Variants in NOS3 observed in about 807,000 individuals in gnomAD.
The protein encoded by NOS3 is nitric oxide synthase 3, also known as NOS type III.
A neutral mutation model predicts 144.9 loss-of-function variants in NOS3; 98 were observed. That is an observed-to-expected ratio of 0.68 (90% CI 0.57 to 0.80). The LOEUF (loss-of-function observed/expected upper bound fraction) is 0.80. Among genes scored for constraint, NOS3 ranks in the 30% least tolerant of loss-of-function variants. NOS3 has a pLI of 0.00. For synonymous variants in NOS3, 714 were observed against 702.4 expected (o/e 1.02, Z -0.26); for missense variants, 1,465 against 1,656.4 (o/e 0.88, Z 2.01).
rs1795276672 is a variant in NOS3, at chr7:151,010,290, TG to T, written c.2685+8del. The T allele has an allele frequency of 6.2e-7, 1 of 1,611,184 alleles. No individual in the cohort carries two copies. Among genetic ancestry groups the T allele is most frequent in the Non-Finnish European group, 8.5e-7 (1 of 1,179,108 alleles). ...AGGAGCTGGAGGCCCTCAGCCAGGT[TG>T]GGGGCCACCCCAATGAGGCACAGGG... On this transcript the variant is annotated splice_donor_region_variant and intron_variant, in intron 21 of 26. Coordinates refer to ENST00000297494, the MANE Select transcript of NOS3 (RefSeq NM_000603.5).
chr7:150,998,360 T>A lies in NOS3; in HGVS notation c.586T>A (p.Phe196Ile). ...CCCGCTGCCTCGGCTGGCTCAGGTG[T>A]TCGATGCCCGGGACTGCAGGTCTGC... The part of the protein sequence containing the change: ...GRIQWGKLQV[F>I]DARDCRSAQE... Residue 196 changes from phenylalanine to isoleucine, a missense_variant, in exon 6 of 27, where the codon TTC becomes ATC. Phe to Ile is a conservative substitution (Grantham distance 21). Around this residue, in one of 5 missense-constraint regions of NOS3, gnomAD observed 374 missense variants for 377.0 expected, o/e 0.99. Coordinates refer to ENST00000297494, the MANE Select transcript of NOS3 (RefSeq NM_000603.5). The surrounding 1 kb of genome is among the most constrained non-coding windows in gnomAD (Gnocchi z 5.0). 2.5e-6 allele frequency: 4 copies of A among 1,611,358 alleles called. No homozygotes were observed. Among genetic ancestry groups the A allele is most frequent in the Non-Finnish European group, 3.4e-6 (4 of 1,179,548 alleles).
In NOS3 at chr7:151,001,959, T is replaced by C. The variant is rs1795114888; in HGVS notation, c.1641T>C (p.Asp547=). Residue 547 remains aspartate (D), a synonymous_variant, in exon 13 of 27, where the codon GAT becomes GAC. Coordinates refer to ENST00000297494, the MANE Select transcript of NOS3 (RefSeq NM_000603.5). ...QLGRLFRKAF[D]PRVLCMDEYD... ...GGAGACTCTTCCGGAAGGCTTTTGATCCCCGGGTAGGGCTGAGCCCAGGGG... is the reference window on the plus strand; with the variant it reads ...GGAGACTCTTCCGGAAGGCTTTTGACCCCCGGGTAGGGCTGAGCCCAGGGG... 2 of 1,613,240 alleles carry C rather than the reference T, an allele frequency of 1.2e-6. No homozygotes were observed. The highest frequency in any genetic ancestry group is 1.7e-6 in the Non-Finnish European group (2 of 1,179,960).
At chr7:151,012,564 G>A in intron 24 of NOS3, 92 bp downstream of exon 24, 4 of 1,447,970 alleles carry the variant, frequency 2.8e-6, no homozygotes, top group Non-Finnish European at 3.8e-6. Context: ...GGAAAGAGAG[G>A]GCAGGAAACA....
At position 151,013,142 on chromosome 7, in the gene NOS3, T is replaced by C. The variant is rs551224618; in HGVS notation, c.3107-89T>C. Reference sequence around the variant, plus strand: ...GTGGTTTCAGCCCAAAACGCTGGGCTGCCAGGCTGGGCGACGGTGGCCTGT... The same window carrying C: ...GTGGTTTCAGCCCAAAACGCTGGGCCGCCAGGCTGGGCGACGGTGGCCTGT... On this transcript the variant is annotated intron_variant, in intron 24 of 26. Transcript: ENST00000297494. 7.0e-4 allele frequency: 1,007 copies of C among 1,443,912 alleles called. 1 individual carries two copies. The highest frequency in any genetic ancestry group is 3.1e-3 in the Middle Eastern group (17 of 5,536). The allele number at this position is 1,443,912 out of a possible 1,614,324, so 89.4% of individuals were successfully genotyped here. A position where few individuals can be genotyped will look rare whatever the true frequency, so the allele number is the denominator to read the frequency against.
At chr7:150,994,002 G>A in intron 2 of NOS3, 41 bp downstream of exon 2, 22 of 1,531,982 alleles carry the variant, frequency 1.4e-5, no homozygotes, top group Non-Finnish European at 1.8e-5. Flanking sequence ...CAACAAGGGT[G>A]GTGTCAAGGC....
At position 151,003,940 on chromosome 7, in the gene NOS3, G is replaced by A; in HGVS notation, c.1752+1636G>A. On this transcript the variant is annotated intron_variant, in intron 14 of 26. Coordinates refer to ENST00000297494, the MANE Select transcript of NOS3 (RefSeq NM_000603.5). This position sits in a 1 kb window ranked among gnomAD's most constrained non-coding sequence, Gnocchi z 4.1. ...CCTGTTATGAACATTCTTGTACCCG[G>A]CTTTTGTGGGCTTATGTTTTTATTT... is the stretch of plus-strand genomic sequence containing the variant. 3.0e-6 allele frequency: 1 copy of A among 328,526 alleles called. No homozygotes were observed. The highest frequency in any genetic ancestry group is 6.0e-6 in the Non-Finnish European group (1 of 167,848). The allele number at this position is 328,526 out of a possible 1,614,324, so 20.4% of individuals were successfully genotyped here.
Position 151,003,376 on chromosome 7 carries a change from T to C in NOS3, c.1752+1072T>C, listed in dbSNP as rs1404260961. The C allele has an allele frequency of 8.4e-7, 1 of 1,192,620 alleles. No homozygotes were observed. The highest frequency in any genetic ancestry group is 1.1e-6 in the Non-Finnish European group (1 of 915,146). The allele number at this position is 1,192,620 out of a possible 1,614,324, so 73.9% of individuals were successfully genotyped here. A position where few individuals can be genotyped will look rare whatever the true frequency, so the allele number is the denominator to read the frequency against. ...CCTGGGTTCAAGCAATCCACCTGCCTCGGCCTCCCAAAGTGCTGCGATTAT... is the reference window on the plus strand; with the variant it reads ...CCTGGGTTCAAGCAATCCACCTGCCCCGGCCTCCCAAAGTGCTGCGATTAT... On this transcript the variant is annotated intron_variant, in intron 14 of 26. Coordinates refer to ENST00000297494, the MANE Select transcript of NOS3 (RefSeq NM_000603.5). The surrounding 1 kb of genome is among the most constrained non-coding windows in gnomAD (Gnocchi z 4.1).
At chr7:151,006,670 T>C (rs1795210571) in intron 15 of NOS3, among the ~76,000 whole-genome samples, 176 bp downstream of exon 15, 1 of 152,218 alleles carries the variant, frequency 6.6e-6, no homozygotes, top group Admixed American at 6.5e-5. Flanking sequence ...TGCCTGCTTC[T>C]GAGAGCCGGG....
Position 151,013,878 on chromosome 7 carries a change from TGGAGCTGGACGAGGCCGGCGACGTCATCG to T in NOS3, c.3412_3440del (p.Glu1138ArgfsTer149). 1 of 1,603,030 alleles carries T rather than the reference TGGAGCTGGACGAGGCCGGCGACGTCATCG, an allele frequency of 6.2e-7. No individual in the cohort carries two copies. Among genetic ancestry groups the T allele is most frequent in the Non-Finnish European group, 8.5e-7 (1 of 1,175,292 alleles). On this transcript the variant is annotated frameshift_variant, in exon 26 of 27. Coordinates refer to ENST00000297494, the MANE Select transcript of NOS3 (RefSeq NM_000603.5). LOFTEE classifies it high-confidence loss of function. ...CGCATCCTGGCGACGGAGGGCGACA[TGGAGCTGGACGAGGCCGGCGACGTCATCG>T]GCGTGCTGCGGGTGCGGAGGGGCGG...
rs1414919977 is a variant in NOS3, at chr7:151,001,634, C to T, written c.1502+17C>T. 1 of 1,610,550 alleles carries T rather than the reference C, an allele frequency of 6.2e-7. No individual in the cohort carries two copies. The highest frequency in any genetic ancestry group is 8.5e-7 in the Non-Finnish European group (1 of 1,177,144). ...AGTGGCCAAGTGGGTCCCCTGGGAG[C>T]CCCGCTCTCCCACACACACCCTGGG... On this transcript the variant is annotated intron_variant, in intron 12 of 26. Transcript: ENST00000297494.
At chr7:150,999,403 G>T in intron 9 of NOS3, 39 bp downstream of exon 9, 1 of 1,522,898 alleles carries the variant, frequency 6.6e-7, no homozygotes. Context: ...GAATGCACCT[G>T]TCCAAGGCAG....
In NOS3 at chr7:150,999,374, G is replaced by A. The variant is rs201702190; in HGVS notation, c.1131+10G>A. The A allele has an allele frequency of 5.7e-5, 88 of 1,555,892 alleles. No individual in the cohort carries two copies. The highest frequency in any genetic ancestry group is 1.7e-4 in the Admixed American group (9 of 52,322). On this transcript the variant is annotated intron_variant, in intron 9 of 26. Coordinates refer to ENST00000297494, the MANE Select transcript of NOS3 (RefSeq NM_000603.5). ...CTACAACATCCTGGAGGTGAGGTGC[G>A]GGATGGGGCTCGGGCACCGAATGCA... is the stretch of plus-strand genomic sequence containing the variant.
At position 151,009,643 on chromosome 7, in the gene NOS3, C is replaced by G; in HGVS notation, c.2512+58C>G. 2.8e-6 allele frequency: 4 copies of G among 1,407,502 alleles called. No homozygotes were observed. The South Asian group carries it at 5.7e-5, about 20-fold the overall frequency. 87.2% of individuals were successfully genotyped at this position (1,407,502 alleles called of 1,614,324 possible). A position where few individuals can be genotyped will look rare whatever the true frequency, so the allele number is the denominator to read the frequency against. Reference sequence around the variant, plus strand: ...CCAGCCCCATGCCCAGCCCCACCCCCGGCCCCAGGCCTCCAGGAGCTCAGG... The same window carrying G: ...CCAGCCCCATGCCCAGCCCCACCCCGGGCCCCAGGCCTCCAGGAGCTCAGG... On this transcript the variant is annotated intron_variant, in intron 20 of 26. Transcript: ENST00000297494.
rs759370350 is a variant in NOS3, at chr7:151,009,031, C to T, written c.2214C>T (p.Ser738=). 1.4e-5 allele frequency: 23 copies of T among 1,612,322 alleles called. No homozygotes were observed. The highest frequency in any genetic ancestry group is 1.7e-5 in the Non-Finnish European group (20 of 1,179,532). The change falls in exon 18 of 27, where the codon AGC becomes AGT. Residue 738 remains serine, a synonymous_variant. Coordinates refer to ENST00000297494, the MANE Select transcript of NOS3 (RefSeq NM_000603.5). ...GGAAGCGCCAGAGGTACCGGCTGAG[C>T]GCCCAGGCCGAGGGCCTGCAGTTGC... ...RSWKRQRYRL[S]AQAEGLQLLP... is the part of the protein sequence containing the mutation.
chr7:151,012,509 C>T (rs749764005), intron 24 of NOS3, 37 bp downstream of exon 24: 3 of 1,596,070 alleles, frequency 1.9e-6, no homozygotes, highest in East Asian at 2.3e-5. Flanking sequence ...TGAAGGGAGT[C>T]ACACAATCTA....
intron 18 of NOS3, 25 bp from the exon 19 acceptor site, chr7:151,009,164 C>T: frequency 6.2e-7 from 1 of 1,613,686 alleles, no homozygotes; most frequent in Non-Finnish European, 8.5e-7. Flanking sequence ...CTCAGGCTGC[C>T]TCATTTGCCC....
chr7:151,013,438 C>T (rs935103188), intron 25 of NOS3, 59 bp downstream of exon 25: 3 of 1,548,688 alleles, frequency 1.9e-6, no homozygotes, highest in South Asian at 1.2e-5. Flanking sequence ...GGAGGACTCG[C>T]GCTCTCCAGC....
intron 9 of NOS3, among the ~76,000 whole-genome samples, chr7:151,000,058 G>T (rs925064433): frequency 9.7e-5 from 14 of 144,824 alleles, no homozygotes; most frequent in African/African-American, 3.6e-4. Flanking sequence ...TGTGTAGGCG[G>T]TGAGTGTGAA....
At position 151,001,940 on chromosome 7, in the gene NOS3, T is replaced by C; in HGVS notation, c.1622T>C (p.Leu541Pro). The change falls in exon 13 of 27, where the codon CTC (leucine) becomes CCC (proline). Residue 541 changes from leucine to proline, a missense_variant. Coordinates refer to ENST00000297494, the MANE Select transcript of NOS3 (RefSeq NM_000603.5). The part of the protein sequence containing the change: ...AQSYAQQLGR[L>P]FRKAFDPRVL... ...AGCTACGCACAGCAGCTGGGGAGACTCTTCCGGAAGGCTTTTGATCCCCGG... is the reference window on the plus strand; with the variant it reads ...AGCTACGCACAGCAGCTGGGGAGACCCTTCCGGAAGGCTTTTGATCCCCGG... 5 of 1,613,324 alleles carry C rather than the reference T, an allele frequency of 3.1e-6. No individual in the cohort carries two copies. The highest frequency in any genetic ancestry group is 4.2e-6 in the Non-Finnish European group (5 of 1,179,954).
Sources: gnomAD v4.1 joint callset for allele counts (sites outside exome capture counted in the v4.1 genomes callset) on GRCh38, gnomAD v4.1.1 for gene constraint, gnomAD v4.1.1 regional missense constraint, Gnocchi (gnomAD v3.1) non-coding constraint, MANE v1.5 for transcripts, NCBI Gene and HGNC (gene_info 2026-07-23, HGNC 2026-07-21) for gene names.